GPATCH2L: variants seen among roughly 807,000 people sequenced by gnomAD.
GPATCH2L encodes G patch domain-containing protein 2-like.
In GPATCH2L, 31 loss-of-function variants were observed where a neutral mutation model predicts 57.4. That is an observed-to-expected ratio of 0.54 (90% CI 0.41 to 0.73). GPATCH2L has a LOEUF of 0.73. GPATCH2L is among the 30% of genes least tolerant of loss of function. GPATCH2L has a pLI of 0.00. For missense variants in GPATCH2L, 481 were observed against 599.9 expected, an observed-to-expected ratio of 0.80 and a Z score of 2.07; for synonymous variants, 199 against 210.7, an observed-to-expected ratio of 0.94 and a Z score of 0.48.
chr14:76,191,349 A>G (rs2039956963), intron 8 of GPATCH2L, among the ~76,000 whole-genome samples: 3 of 152,110 alleles, frequency 2.0e-5, no homozygotes, highest in South Asian at 4.2e-4. Context: ...TATGTCTGCA[A>G]TTGATGATCT....
chr14:76,195,158 G>T (rs1451679121), intron 8 of GPATCH2L, among the ~76,000 whole-genome samples: 1 of 152,114 alleles, frequency 6.6e-6, no homozygotes, highest in South Asian at 2.1e-4. Flanking sequence ...CTTCACATAC[G>T]TAAAGATTTT....
chr14:76,167,613 G>A (rs11624793), intron 3 of GPATCH2L, among the ~76,000 whole-genome samples: 59,170 of 151,782 alleles, frequency 0.39, 13,977 homozygotes, highest in South Asian at 0.56. Flanking sequence ...CCAGCATCTT[G>A]TTCATGCCTC....
intron 7 of GPATCH2L, chr14:76,178,379 T>C (rs987014859): frequency 3.5e-6 from 2 of 578,502 alleles, no homozygotes; most frequent in Admixed American, 4.2e-5. Flanking sequence ...TCCCCAACCT[T>C]ATGTCACCAG....
chr14:76,184,249 C>T (rs918555887), intron 8 of GPATCH2L, among the ~76,000 whole-genome samples: 1 of 152,112 alleles, frequency 6.6e-6, no homozygotes, highest in Non-Finnish European at 1.5e-5. Context: ...TCTTGGGAAG[C>T]ATGTGAGGAA....
At chr14:76,227,061 A>T (rs1242663074) in intron 1 of GPATCH2L, among the ~76,000 whole-genome samples, 5 of 152,212 alleles carry the variant, frequency 3.3e-5, no homozygotes, top group Admixed American at 3.3e-4. Context: ...GGGCCTCAGC[A>T]GGAAGTATTG....
At chr14:76,188,859 T>G (rs1397518778) in intron 8 of GPATCH2L, among the ~76,000 whole-genome samples, 1 of 152,154 alleles carries the variant, frequency 6.6e-6, no homozygotes, top group Non-Finnish European at 1.5e-5. Flanking sequence ...AAGTCTTTAA[T>G]CTACTTGATT....
intron 7 of GPATCH2L, chr14:76,178,792 G>A (rs2039445397): frequency 6.6e-6 from 1 of 152,364 alleles, no homozygotes; most frequent in African/African-American, 2.4e-5. Flanking sequence ...ACCTCCTGCT[G>A]TGCGGCCCCG....
chr14:76,182,434 A>T (rs993306735), intron 8 of GPATCH2L, among the ~76,000 whole-genome samples: 10 of 102,442 alleles, frequency 9.8e-5, no homozygotes, highest in Middle Eastern at 4.6e-3. Flanking sequence ...TTTTTTTTTT[A>T]AATCATTTGT....
intron 9 of GPATCH2L, among the ~76,000 whole-genome samples, chr14:76,201,291 C>A (rs775835517): frequency 6.6e-6 from 1 of 152,070 alleles, no homozygotes; most frequent in African/African-American, 2.4e-5. Context: ...TCTCTGTATA[C>A]CTTAGCTCCC....
intron 9 of GPATCH2L, among the ~76,000 whole-genome samples, chr14:76,197,554 C>T (rs548853568): frequency 2.4e-4 from 37 of 152,248 alleles, no homozygotes; most frequent in African/African-American, 7.9e-4. Context: ...CTGCCCACAA[C>T]CTGAGTGCCC....
chr14:76,154,872 G>A lies in GPATCH2L; in HGVS notation c.509G>A (p.Arg170His), dbSNP rs747861571. Residue 170 changes from arginine to histidine, a missense_variant, in exon 2 of 10, where the codon CGC becomes CAC. Transcript: ENST00000261530. The surrounding 1 kb of genome is among the most constrained non-coding windows in gnomAD (Gnocchi z 4.4). Reference protein sequence around the residue: ...FKSAKKQRLSRWKENTPWTSS... With the variant: ...FKSAKKQRLSHWKENTPWTSS... ...TCTGCTAAGAAGCAGCGTCTGTCCC[G>A]CTGGAAGGAGAATACTCCCTGGACC... 1.1e-5 allele frequency: 17 copies of A among 1,614,058 alleles called. No homozygotes were observed. The highest frequency in any genetic ancestry group is 1.3e-5 in the Non-Finnish European group (15 of 1,180,024).
intron 5 of GPATCH2L, chr14:76,175,657 T>C (rs924616174): frequency 1.1e-4 from 16 of 152,252 alleles, no homozygotes; most frequent in African/African-American, 3.1e-4. Flanking sequence ...AAGAATATAG[T>C]ATATGAAAAC....
In GPATCH2L at chr14:76,201,711, C is replaced by G; in HGVS notation, c.1309C>G (p.Pro437Ala). The G allele has an allele frequency of 1.2e-6, 2 of 1,612,654 alleles. No individual in the cohort carries two copies. The highest frequency in any genetic ancestry group is 1.1e-5 in the South Asian group (1 of 90,880). Residue 437 changes from proline (P) to alanine (A), a missense_variant, in exon 10 of 10, where the codon CCA (proline) becomes GCA (alanine). Coordinates refer to ENST00000261530, the MANE Select transcript of GPATCH2L (RefSeq NM_017926.4). ...PSAVHMDAVE[P>A]TTPASQAPKS... is the part of the protein sequence containing the mutation. ...ACTAGTTCACATGGATGCAGTGGAG[C>G]CAACCACACCAGCATCACAAGCCCC...
chr14:76,169,557 C>T (rs2038995133), intron 3 of GPATCH2L, among the ~76,000 whole-genome samples: 1 of 152,186 alleles, frequency 6.6e-6, no homozygotes, highest in South Asian at 2.1e-4. Flanking sequence ...TAAGGAGCTC[C>T]TCTATCAGGC....
intron 9 of GPATCH2L, among the ~76,000 whole-genome samples, chr14:76,197,999 A>G (rs1020225689): frequency 1.3e-5 from 2 of 152,190 alleles, no homozygotes; most frequent in South Asian, 2.1e-4. Flanking sequence ...ATTTAAAGAT[A>G]TTAATAAGGC....
Position 76,176,972 on chromosome 14 carries a change from A to T in GPATCH2L, c.1052+282A>T, listed in dbSNP as rs569166835. ...TTTAAACTAATTTTTCTGTCCCTAA[A>T]TTTTTTTTTTTCCAAAATGGATGAT... On this transcript the variant is annotated intron_variant, in intron 6 of 9. Coordinates refer to ENST00000261530, the MANE Select transcript of GPATCH2L (RefSeq NM_017926.4). Among the ~76,000 whole-genome samples, 6 of 149,494 alleles carry T rather than the reference A, an allele frequency of 4.0e-5. No homozygotes were observed. In the South Asian group the frequency reaches 8.5e-4, roughly 21 times the overall value.
At position 76,195,905 on chromosome 14, in the gene GPATCH2L, A is replaced by C; in HGVS notation, c.1221A>C (p.Pro407=). 1 of 1,613,758 alleles carries C rather than the reference A, an allele frequency of 6.2e-7. No individual in the cohort carries two copies. Among genetic ancestry groups the C allele is most frequent in the Non-Finnish European group, 8.5e-7 (1 of 1,179,710 alleles). The change falls in exon 9 of 10, where the codon CCA becomes CCC. Residue 407 remains proline (P), a synonymous_variant. Coordinates refer to ENST00000261530, the MANE Select transcript of GPATCH2L (RefSeq NM_017926.4). The part of the protein sequence containing the change: ...ARQANVHWGP[P]CSRDIKRKRK... ...AGGCAAATGTACACTGGGGACCACC[A>C]TGTTCACGTGACATCAAGAGGAAGC...
At chr14:76,182,585 C>CAAAAAAA (rs66602777) in intron 8 of GPATCH2L, among the ~76,000 whole-genome samples, 2 of 84,784 alleles carry the variant, frequency 2.4e-5, no homozygotes, top group African/African-American at 9.2e-5. Context: ...GACCCTGTCT[C>CAAAAAAA]AAAAAAAAAA....
At chr14:76,232,013 G>GGCT (rs1595016250) in intron 2 of GPATCH2L, among the ~76,000 whole-genome samples, 31 of 3,998 alleles carry the variant, frequency 7.8e-3, no homozygotes, top group East Asian at 0.062. Flanking sequence ...GCAGGCTCAA[G>GGCT]CAATCTTCCT....
Sources: allele counts gnomAD v4.1 joint callset (sites outside exome capture counted in the v4.1 genomes callset), GRCh38; gene constraint gnomAD v4.1.1; non-coding constraint Gnocchi (gnomAD v3.1); transcripts MANE v1.5; gene names NCBI Gene and HGNC (gene_info 2026-07-23, HGNC 2026-07-21).